TAS2R1: variants seen among roughly 807,000 people sequenced by gnomAD.
TAS2R1 encodes taste 2 receptor member 1, also known as taste receptor type 2 member 1.
For missense variants in TAS2R1, 370 were observed against 353.4 expected, an observed-to-expected ratio of 1.05 and a Z score of -0.38; for synonymous variants, 141 against 134.2, an observed-to-expected ratio of 1.05 and a Z score of -0.35.
chr5:9,661,235 T>C lies in TAS2R1; in HGVS notation c.-241-1654A>G, dbSNP rs115279145. 7.2e-3 allele frequency among the ~76,000 whole-genome samples: 1,102 copies of C among 152,378 alleles called. 6 individuals carry two copies. Among genetic ancestry groups the C allele is most frequent in the Non-Finnish European group, 0.01 (714 of 68,042 alleles). ...TCCTGTTCTTTCTAGCCACAGCCTCTTAGCATGAACTCCAGTTTCTTTTTG... is the reference window on the plus strand; with the variant it reads ...TCCTGTTCTTTCTAGCCACAGCCTCCTAGCATGAACTCCAGTTTCTTTTTG... On this transcript the variant is annotated intron_variant, in intron 1 of 2. Transcript: ENST00000506620.
chr5:9,648,639 C>T (rs905092191), intron 2 of TAS2R1, among the ~76,000 whole-genome samples: 4 of 150,938 alleles, frequency 2.7e-5, no homozygotes, highest in Non-Finnish European at 5.9e-5. Context: ...ATGGTACTGT[C>T]GAAATGAAAA....
chr5:9,667,622 C>T (rs944649313), intron 1 of TAS2R1, among the ~76,000 whole-genome samples: 3 of 152,044 alleles, frequency 2.0e-5, no homozygotes, highest in South Asian at 2.1e-4. Flanking sequence ...AGCAGAACAC[C>T]CAACAAAAGA....
chr5:9,740,394 T>G, the TAS2R1 span, among the ~76,000 whole-genome samples: 1 of 152,216 alleles, frequency 6.6e-6, no homozygotes, highest in African/African-American at 2.4e-5. Flanking sequence ...CTGCTTCTGA[T>G]TCTCCTACCA....
rs929733227 is a variant in TAS2R1 at position 9,628,559 on chromosome 5, C to G, written c.*574G>C. On this transcript the variant is annotated 3_prime_UTR_variant, in exon 1 of 1. Transcript: ENST00000382492. Reference sequence around the variant, plus strand: ...TAAGGATGGAGAAGGCCTGCTTGTCCTTGCTTCCTTTGTGATCTGAGGAGA... The same window carrying G: ...TAAGGATGGAGAAGGCCTGCTTGTCGTTGCTTCCTTTGTGATCTGAGGAGA... 1.8e-4 allele frequency among the ~76,000 whole-genome samples: 27 copies of G among 152,128 alleles called. No individual in the cohort carries two copies. The highest frequency in any genetic ancestry group is 3.8e-4 in the Non-Finnish European group (26 of 68,020).
the TAS2R1 span, among the ~76,000 whole-genome samples, chr5:9,813,147 G>T: frequency 2.0e-5 from 3 of 152,086 alleles, no homozygotes; most frequent in Admixed American, 2.0e-4. Flanking sequence ...GGGGAAATTG[G>T]ACACAGAGAT....
At chr5:9,866,200 A>G in the TAS2R1 span, among the ~76,000 whole-genome samples, 1 of 151,972 alleles carries the variant, frequency 6.6e-6, no homozygotes, top group East Asian at 1.9e-4. Context: ...TCTCAATTTC[A>G]TTTATTTTTA....
chr5:9,713,127 T>C (rs898024522), upstream of TAS2R1: 10 of 152,108 alleles, frequency 6.6e-5, no homozygotes, highest in Non-Finnish European at 1.3e-4. Flanking sequence ...CCGATGACGC[T>C]CGTTTGTGCA....
rs934644689 is a variant in TAS2R1, at chr5:9,663,079, C to T, written c.-241-3498G>A. 2.0e-5 allele frequency among the ~76,000 whole-genome samples: 3 copies of T among 152,216 alleles called. No homozygotes were observed. In the South Asian group the frequency reaches 6.2e-4, roughly 32 times the overall value. On this transcript the variant is annotated intron_variant, in intron 1 of 2. Transcript: ENST00000506620. ...GTGACTTTCTTTAGTCAATACAATTCTACGTTATATTTGCATGCTATTCTA... is the reference window on the plus strand; with the variant it reads ...GTGACTTTCTTTAGTCAATACAATTTTACGTTATATTTGCATGCTATTCTA...
At chr5:9,682,395 A>C (rs892088124) in intron 1 of TAS2R1, among the ~76,000 whole-genome samples, 1 of 152,166 alleles carries the variant, frequency 6.6e-6, no homozygotes, top group Non-Finnish European at 1.5e-5. Context: ...AACCTAAGGC[A>C]TGGAGGAGCA....
chr5:9,704,112 A>C (rs1425468564), intron 1 of TAS2R1, among the ~76,000 whole-genome samples: 1 of 152,220 alleles, frequency 6.6e-6, no homozygotes, highest in African/African-American at 2.4e-5. Context: ...TAGGTGAATA[A>C]ATTCAGGGAC....
At chr5:9,757,518 C>T in the TAS2R1 span, among the ~76,000 whole-genome samples, 2 of 152,070 alleles carry the variant, frequency 1.3e-5, no homozygotes, top group African/African-American at 4.8e-5. Context: ...TCACAGCCAC[C>T]CCTTTTACAT....
the TAS2R1 span, among the ~76,000 whole-genome samples, chr5:9,778,927 G>A: frequency 9.9e-5 from 15 of 152,172 alleles, no homozygotes; most frequent in Non-Finnish European, 1.9e-4. Context: ...ATCTTCCTTC[G>A]CATTCACAGC....
Position 9,660,372 on chromosome 5 carries a change from G to A in TAS2R1, c.-241-791C>T, listed in dbSNP as rs571123081. Among the ~76,000 whole-genome samples the A allele has an allele frequency of 6.6e-5, 10 of 151,656 alleles. No individual in the cohort carries two copies. In the South Asian group the frequency reaches 1.3e-3, roughly 19 times the overall value. ...ATTACAGGCGTGAGCCACCACGCCC[G>A]GCCTGAAATATTTCTAAACAGATAA... On this transcript the variant is annotated intron_variant, in intron 1 of 2. Transcript: ENST00000506620.
chr5:9,802,010 G>A, the TAS2R1 span, among the ~76,000 whole-genome samples: 1 of 152,146 alleles, frequency 6.6e-6, no homozygotes, highest in African/African-American at 2.4e-5. Context: ...CCAACTGCCT[G>A]AGAAACCTGA....
At chr5:9,815,367 T>C in the TAS2R1 span, among the ~76,000 whole-genome samples, 5 of 152,338 alleles carry the variant, frequency 3.3e-5, no homozygotes, top group East Asian at 9.6e-4. Context: ...CTGGTGTAAG[T>C]GAACCCTCTC....
chr5:9,681,104 A>C (rs988223474), intron 1 of TAS2R1, among the ~76,000 whole-genome samples: 2 of 151,990 alleles, frequency 1.3e-5, no homozygotes, highest in East Asian at 3.9e-4. Flanking sequence ...TAAAATAATA[A>C]AAATAAATCT....
At chr5:9,647,451 C>T (rs1391911478) in intron 2 of TAS2R1, among the ~76,000 whole-genome samples, 3 of 152,106 alleles carry the variant, frequency 2.0e-5, no homozygotes, top group African/African-American at 7.2e-5. Context: ...GCTGTGCAAA[C>T]CCCACATACA....
At chr5:9,653,921 C>T (rs1362512828) in intron 2 of TAS2R1, among the ~76,000 whole-genome samples, 1 of 152,134 alleles carries the variant, frequency 6.6e-6, no homozygotes, top group African/African-American at 2.4e-5. Context: ...GGTAAGGTTA[C>T]AGCTGGCTTT....
the TAS2R1 span, among the ~76,000 whole-genome samples, chr5:9,846,494 A>G: frequency 6.6e-6 from 1 of 152,208 alleles, no homozygotes; most frequent in Admixed American, 6.5e-5. Flanking sequence ...CTCTTTTGGA[A>G]TAAGTTAAAA....
Sources: gnomAD v4.1 joint callset for allele counts (sites outside exome capture counted in the v4.1 genomes callset) on GRCh38, gnomAD v4.1.1 for gene constraint, MANE v1.5 for transcripts, NCBI Gene and HGNC (gene_info 2026-07-23, HGNC 2026-07-21) for gene names.